Variants in RTN4 observed in about 807,000 individuals in gnomAD.
RTN4 encodes the protein reticulon-4.
Under a neutral mutation model 90.4 loss-of-function variants are expected in RTN4, and 32 were observed. The observed-to-expected ratio is 0.35, with a 90% CI of 0.27 to 0.48. The LOEUF (loss-of-function observed/expected upper bound fraction) is 0.48, where lower values mean the gene tolerates loss of function less well. Among genes scored for constraint, RTN4 ranks in the 20% least tolerant of loss-of-function variants. RTN4 has a pLI of 0.99. For synonymous variants in RTN4, 629 were observed against 552.5 expected, an observed-to-expected ratio of 1.14 and a Z score of -1.94; for missense variants, 1,706 against 1,430.2, an observed-to-expected ratio of 1.19 and a Z score of -3.11.
At position 55,032,322 on chromosome 2, in the gene RTN4, G is replaced by A. The variant is rs1255521060; in HGVS notation, c.557-4102C>T. Among the ~76,000 whole-genome samples the A allele has an allele frequency of 5.3e-5, 8 of 152,172 alleles. No homozygotes were observed. The South Asian group carries it at 6.2e-4, about 12-fold the overall frequency. On this transcript the variant is annotated intron_variant, in intron 1 of 8. Coordinates refer to ENST00000337526, the MANE Select transcript of RTN4 (RefSeq NM_020532.5). ...TCAAACTCCTGACCTCAAGTGATCCGCCAGCCTCAGCTTCCCAAAGTGCTG... is the reference window on the plus strand; with the variant it reads ...TCAAACTCCTGACCTCAAGTGATCCACCAGCCTCAGCTTCCCAAAGTGCTG...
chr2:55,113,714 G>C (rs1191789401), upstream of RTN4, among the ~76,000 whole-genome samples: 1 of 152,110 alleles, frequency 6.6e-6, no homozygotes, highest in Non-Finnish European at 1.5e-5. Flanking sequence ...AGAGTTGCTA[G>C]AAGCACCTAT....
chr2:55,104,438 C>T (rs557941088), intron 1 of RTN4, among the ~76,000 whole-genome samples: 92 of 151,598 alleles, frequency 6.1e-4, no homozygotes, highest in Admixed American at 5.9e-3. Context: ...CTGCAACCTC[C>T]GCCTCCTGGG....
At chr2:55,033,609 C>A (rs942140027) in intron 1 of RTN4, among the ~76,000 whole-genome samples, 1 of 152,112 alleles carries the variant, frequency 6.6e-6, no homozygotes, top group Non-Finnish European at 1.5e-5. Flanking sequence ...TGTTTTTAAC[C>A]ACAAGAAGGC....
At chr2:55,022,876 A>G (rs1198179128) in intron 3 of RTN4, among the ~76,000 whole-genome samples, 1 of 135,642 alleles carries the variant, frequency 7.4e-6, no homozygotes, top group Non-Finnish European at 1.6e-5. Flanking sequence ...TATTCCTCTG[A>G]AATTCTAAAT....
At chr2:55,093,075 G>C (rs1184887411) in intron 1 of RTN4, among the ~76,000 whole-genome samples, 1 of 152,164 alleles carries the variant, frequency 6.6e-6, no homozygotes, top group East Asian at 1.9e-4. Flanking sequence ...GAAGATAAGA[G>C]CCTTGCATTG....
chr2:55,094,899 T>C (rs746699100), intron 1 of RTN4, among the ~76,000 whole-genome samples: 1 of 152,200 alleles, frequency 6.6e-6, no homozygotes, highest in Non-Finnish European at 1.5e-5. Flanking sequence ...GAAATTCATA[T>C]AAGAAACTTC....
At chr2:55,111,752 G>T (rs968539018) in intron 1 of RTN4, among the ~76,000 whole-genome samples, 1 of 152,286 alleles carries the variant, frequency 6.6e-6, no homozygotes, top group African/African-American at 2.4e-5. Context: ...TTGAAAAAAC[G>T]TTAATGTCCA....
At chr2:55,091,827 C>T (rs1264889018) in intron 1 of RTN4, among the ~76,000 whole-genome samples, 6 of 126,958 alleles carry the variant, frequency 4.7e-5, no homozygotes, top group Non-Finnish European at 9.9e-5. Context: ...GCATTTCTTA[C>T]ATGGCAGCGG....
intron 3 of RTN4, chr2:55,010,375 T>C (rs201761292): frequency 1.5e-5 from 20 of 1,307,080 alleles, no homozygotes; most frequent in Non-Finnish European, 1.6e-5. Flanking sequence ...TATCTGTTGA[T>C]TGTTTTAGGC....
chr2:55,089,693 G>A (rs1468523515), intron 1 of RTN4, among the ~76,000 whole-genome samples: 8 of 152,216 alleles, frequency 5.3e-5, no homozygotes, highest in Non-Finnish European at 1.0e-4. Context: ...TCTGCGAAAT[G>A]CAAACACTTG....
At chr2:55,043,206 C>T (rs1195308017) in intron 1 of RTN4, among the ~76,000 whole-genome samples, 1 of 152,172 alleles carries the variant, frequency 6.6e-6, no homozygotes, top group Admixed American at 6.5e-5. Context: ...CATTACAGTT[C>T]CCATCCCTAG....
chr2:55,053,107 T>TA, upstream of RTN4, among the ~76,000 whole-genome samples: 1 of 152,298 alleles, frequency 6.6e-6, no homozygotes, highest in African/African-American at 2.4e-5. Flanking sequence ...AGAATAAAAA[T>TA]AAATTTTATT....
At chr2:55,055,781 C>CAAAAAAAAAAAAAAAAAA (rs1280648703), upstream of RTN4, among the ~76,000 whole-genome samples, 1 of 128,828 alleles carries the variant, frequency 7.8e-6, no homozygotes. Context: ...AAAAAAAAAA[C>CAAAAAAAAAAAAAAAAAA]AAAAAAAACA....
At chr2:55,029,525 T>C (rs1340665091) in intron 1 of RTN4, among the ~76,000 whole-genome samples, 2 of 152,090 alleles carry the variant, frequency 1.3e-5, no homozygotes, top group Non-Finnish European at 2.9e-5. Flanking sequence ...ATTTAGACAA[T>C]TTCATCTGGA....
At chr2:55,003,515 G>C (rs1679991005) in intron 3 of RTN4, among the ~76,000 whole-genome samples, 1 of 152,070 alleles carries the variant, frequency 6.6e-6, no homozygotes, top group African/African-American at 2.4e-5. Context: ...ATTCATGATA[G>C]AGCAGATAAA....
chr2:55,049,691 CA>C, intron 1 of RTN4, 53 bp downstream of exon 1: 1 of 1,446,664 alleles, frequency 6.9e-7, no homozygotes, highest in East Asian at 2.8e-5. Flanking sequence ...GGGCTGCACA[CA>C]AAAGAGGGAG....
chr2:55,116,938 A>G (rs1407977134), upstream of RTN4, among the ~76,000 whole-genome samples: 1 of 148,816 alleles, frequency 6.7e-6, no homozygotes, highest in East Asian at 2.0e-4. Flanking sequence ...CAGTGGTGCA[A>G]TCTTGGCTGT....
the RTN4 span, among the ~76,000 whole-genome samples, chr2:55,133,490 C>G: frequency 1.3e-5 from 2 of 152,064 alleles, no homozygotes; most frequent in Non-Finnish European, 2.9e-5. Context: ...ATGTGTATTT[C>G]TTGTAACCTC....
chr2:55,116,615 T>G (rs956926401), upstream of RTN4, among the ~76,000 whole-genome samples: 1 of 152,202 alleles, frequency 6.6e-6, no homozygotes, highest in African/African-American at 2.4e-5. Context: ...ATCATCAAAA[T>G]AGCCCCATGA....
Sources: gnomAD v4.1 joint callset for allele counts (sites outside exome capture counted in the v4.1 genomes callset) on GRCh38, gnomAD v4.1.1 for gene constraint, MANE v1.5 for transcripts, NCBI Gene and HGNC (gene_info 2026-07-23, HGNC 2026-07-21) for gene names.